The following GLRA2 variants were observed in gnomAD, a reference collection of about 807,000 sequenced individuals.
GLRA2 encodes glycine receptor subunit alpha-2.
GLRA2 carries 11 observed loss-of-function variants against 31.6 expected under a neutral mutation model. That is an observed-to-expected ratio of 0.35 (90% CI 0.22 to 0.58). The LOEUF (loss-of-function observed/expected upper bound fraction) is 0.58. GLRA2 is among the 20% of genes least tolerant of loss of function. GLRA2 has a pLI of 0.84. For synonymous variants in GLRA2, 132 were observed against 134.0 expected (o/e 0.99, Z 0.10); for missense variants, 212 against 351.8 (o/e 0.60, Z 3.18).
At chrX:14,616,743 C>T (rs6630716) in intron 7 of GLRA2, among the ~76,000 whole-genome samples, 26,948 of 111,151 alleles carry the variant, frequency 0.24, 2,487 homozygotes, top group Non-Finnish European at 0.3. Context: ...CTAATTTAAA[C>T]GACTTTCCCA....
rs187935209 is a variant in GLRA2 at position 14,651,550 on chromosome X, T to C, written c.931-39160T>C. 1.8e-3 allele frequency among the ~76,000 whole-genome samples: 196 copies of C among 111,634 alleles called. 2 individuals carry two copies. Among genetic ancestry groups the C allele is most frequent in the South Asian group, 3.0e-3 (8 of 2,642 alleles). ...TTAGATATACAAATAGTTACCATTA[T>C]GTTACAGTTGCCTACAGCATTCAGT... On this transcript the variant is annotated intron_variant, in intron 7 of 8. Transcript: ENST00000218075.
chrX:14,621,867 G>T (rs952418101), intron 7 of GLRA2, among the ~76,000 whole-genome samples: 1 of 112,087 alleles, frequency 8.9e-6, no homozygotes, highest in Non-Finnish European at 1.9e-5. Context: ...AATCCTTTGG[G>T]TATATACCCA....
At chrX:14,462,841 TTC>T in the GLRA2 span, among the ~76,000 whole-genome samples, 1 of 111,790 alleles carries the variant, frequency 8.9e-6, no homozygotes, top group Non-Finnish European at 1.9e-5. Flanking sequence ...TGAAGCCTAC[TTC>T]TGTCAACTTG....
At chrX:14,698,573 G>A (rs1477706964) in intron 8 of GLRA2, among the ~76,000 whole-genome samples, 3 of 103,473 alleles carry the variant, frequency 2.9e-5, no homozygotes, top group African/African-American at 1.1e-4. Flanking sequence ...AGGAACTCAT[G>A]AGGCTGAGGC....
the GLRA2 span, among the ~76,000 whole-genome samples, chrX:14,451,368 T>C: frequency 2.7e-5 from 3 of 110,766 alleles, no homozygotes; most frequent in African/African-American, 9.9e-5. Context: ...TGGTAGCTCA[T>C]GTCTGTAATC....
At chrX:14,485,351 A>ATG in the GLRA2 span, among the ~76,000 whole-genome samples, 1 of 112,367 alleles carries the variant, frequency 8.9e-6, no homozygotes, top group African/African-American at 3.2e-5. Flanking sequence ...GGCACTATGT[A>ATG]TGTGTGTGTA....
intron 2 of GLRA2, among the ~76,000 whole-genome samples, chrX:14,544,944 G>A (rs892935685): frequency 9.0e-6 from 1 of 111,351 alleles, no homozygotes; most frequent in African/African-American, 3.3e-5. Flanking sequence ...TAGGGGTAGG[G>A]AAATAGTGAT....
the GLRA2 span, among the ~76,000 whole-genome samples, chrX:14,470,372 C>G: frequency 3.6e-5 from 4 of 111,282 alleles, no homozygotes; most frequent in Non-Finnish European, 5.7e-5. Context: ...ACAGTGACAT[C>G]CAATTTATTT....
chrX:14,661,636 C>G (rs1042912772), intron 7 of GLRA2, among the ~76,000 whole-genome samples: 2 of 110,961 alleles, frequency 1.8e-5, no homozygotes, highest in Admixed American at 1.9e-4. Context: ...CTTTGGGAGG[C>G]CAAGGCAGGT....
intron 8 of GLRA2, among the ~76,000 whole-genome samples, chrX:14,719,268 TGAA>T (rs2091833238): frequency 8.9e-6 from 1 of 112,113 alleles, no homozygotes; most frequent in African/African-American, 3.2e-5. Context: ...TAGCTCAACC[TGAA>T]GAATAGGAGA....
chrX:14,525,911 T>C (rs1306701707), upstream of GLRA2, among the ~76,000 whole-genome samples: 1 of 112,312 alleles, frequency 8.9e-6, no homozygotes, highest in Non-Finnish European at 1.9e-5. Context: ...AATACCATTA[T>C]GATGATTGTC....
At chrX:14,658,011 T>A (rs953299950) in intron 7 of GLRA2, among the ~76,000 whole-genome samples, 15 of 111,724 alleles carry the variant, frequency 1.3e-4, no homozygotes, top group Admixed American at 8.6e-4. Context: ...GGAAACTGAG[T>A]CACATAGACA....
chrX:14,703,392 C>G (rs897258149), intron 8 of GLRA2, among the ~76,000 whole-genome samples: 2 of 111,417 alleles, frequency 1.8e-5, no homozygotes, highest in South Asian at 3.8e-4. Flanking sequence ...TTTCTCTGAC[C>G]CTTCTTCCAT....
At chrX:14,497,794 C>T in the GLRA2 span, among the ~76,000 whole-genome samples, 2 of 109,655 alleles carry the variant, frequency 1.8e-5, no homozygotes, top group African/African-American at 6.6e-5. Flanking sequence ...CACCCCCTCC[C>T]ATCTATCTCA....
intron 4 of GLRA2, among the ~76,000 whole-genome samples, chrX:14,590,272 G>A (rs1169653571): frequency 2.7e-5 from 3 of 110,837 alleles, no homozygotes; most frequent in African/African-American, 9.8e-5. Context: ...GGATTGACAC[G>A]CTTTTCCCTC....
intron 2 of GLRA2, among the ~76,000 whole-genome samples, chrX:14,551,026 T>C (rs1225581580): frequency 2.7e-5 from 3 of 112,366 alleles, no homozygotes; most frequent in Admixed American, 9.4e-5. Context: ...TTAAGCACTT[T>C]GCATATTAAC....
chrX:14,651,504 G>GT (rs1219835097), intron 7 of GLRA2, among the ~76,000 whole-genome samples: 2 of 111,229 alleles, frequency 1.8e-5, no homozygotes, highest in Admixed American at 1.9e-4. Flanking sequence ...TTTACCATGT[G>GT]TTTTCTATGT....
chrX:14,681,908 A>ATAT (rs1225909977), intron 7 of GLRA2, among the ~76,000 whole-genome samples: 23 of 38,887 alleles, frequency 5.9e-4, no homozygotes, highest in African/African-American at 1.3e-3. Flanking sequence ...AAAAAAAAAA[A>ATAT]AAATATATAT....
At chrX:14,718,208 G>C (rs1337907314) in intron 8 of GLRA2, among the ~76,000 whole-genome samples, 3 of 111,355 alleles carry the variant, frequency 2.7e-5, no homozygotes, top group South Asian at 3.7e-4. Flanking sequence ...ACTGCACAGA[G>C]AGCCACTAGC....
Sources: gnomAD v4.1 joint callset for allele counts (sites outside exome capture counted in the v4.1 genomes callset) on GRCh38, gnomAD v4.1.1 for gene constraint, MANE v1.5 for transcripts, NCBI Gene and HGNC (gene_info 2026-07-23, HGNC 2026-07-21) for gene names.